The following CFAP47 variants were observed in gnomAD, a reference collection of about 807,000 sequenced individuals.
CFAP47 encodes cilia and flagella associated protein 47.
In CFAP47, 29 loss-of-function variants were observed where a neutral mutation model predicts 148.1. The observed-to-expected ratio is 0.20, with a 90% confidence interval of 0.15 to 0.27. The LOEUF (loss-of-function observed/expected upper bound fraction) is 0.27, where lower values mean the gene tolerates loss of function less well. Among genes scored for constraint, CFAP47 ranks in the 10% least tolerant of loss-of-function variants. The probability of loss-of-function intolerance (pLI) is 1.00; values close to 1 mark genes in which losing one functional copy is unlikely to be tolerated. For missense variants in CFAP47, 1,872 were observed against 1,697.5 expected (o/e 1.10, Z -1.81); for synonymous variants, 664 against 577.3 (o/e 1.15, Z -2.15).
intron 37 of CFAP47, among the ~76,000 whole-genome samples, chrX:36,151,374 A>G (rs147971933): frequency 0.016 from 1,779 of 111,838 alleles, 32 homozygotes; most frequent in African/African-American, 0.055. Flanking sequence ...TACAGGCATT[A>G]TATGTAAATA....
At chrX:35,948,635 A>G (rs914629139) in intron 4 of CFAP47, among the ~76,000 whole-genome samples, 183 bp downstream of exon 4, 3 of 112,117 alleles carry the variant, frequency 2.7e-5, no homozygotes, top group Admixed American at 9.5e-5. Context: ...AGAGGATAGC[A>G]TATGGGTACA....
chrX:36,070,594 C>T (rs1937730912), intron 27 of CFAP47, among the ~76,000 whole-genome samples: 3 of 107,468 alleles, frequency 2.8e-5, no homozygotes, highest in Admixed American at 1.0e-4. Context: ...TGGGTTCAAG[C>T]GATTCTCATG....
intron 27 of CFAP47, among the ~76,000 whole-genome samples, chrX:36,067,218 T>C (rs1302735263): frequency 9.0e-6 from 1 of 111,680 alleles, no homozygotes; most frequent in Non-Finnish European, 1.9e-5. Context: ...CCATGGGCTA[T>C]ACCTCTAGCC....
At chrX:36,013,276 CA>C (rs1937060467) in intron 21 of CFAP47, among the ~76,000 whole-genome samples, 1 of 111,644 alleles carries the variant, frequency 9.0e-6, no homozygotes, top group Non-Finnish European at 1.9e-5. Flanking sequence ...TATATAATTG[CA>C]AATATATTTT....
chrX:36,024,876 C>T (rs1937198507), intron 22 of CFAP47, among the ~76,000 whole-genome samples: 1 of 111,543 alleles, frequency 9.0e-6, no homozygotes, highest in Non-Finnish European at 1.9e-5. Flanking sequence ...TATGAAGTTG[C>T]TTTTTTTGTG....
chrX:35,951,217 G>C lies in CFAP47; in HGVS notation c.743G>C (p.Ser248Thr). 8.3e-7 allele frequency: 1 copy of C among 1,209,908 alleles called. No homozygotes were observed. ...EQIIELLSMS[S>T]DRRLECIHFG... is the part of the protein sequence containing the mutation. Reference sequence around the variant, plus strand: ...ATTATTGAATTATTAAGCATGAGTAGTGACAGAAGGCTGGAATGCATACAC... The same window carrying C: ...ATTATTGAATTATTAAGCATGAGTACTGACAGAAGGCTGGAATGCATACAC... The change falls in exon 5 of 64, where the codon AGT becomes ACT. Residue 248 changes from serine (S) to threonine (T), a missense_variant. Physicochemically the swap from Ser to Thr is moderately conservative, Grantham distance 58. Coordinates refer to ENST00000378653, the MANE Select transcript of CFAP47 (RefSeq NM_001304548.2).
intron 33 of CFAP47, among the ~76,000 whole-genome samples, chrX:36,125,005 C>A (rs1938811190): frequency 9.0e-6 from 1 of 111,094 alleles, no homozygotes; most frequent in Admixed American, 9.7e-5. Flanking sequence ...TTACTTCAGT[C>A]AGTAAATAGA....
At chrX:36,018,507 G>A (rs1295990400) in intron 22 of CFAP47, among the ~76,000 whole-genome samples, 1 of 111,742 alleles carries the variant, frequency 8.9e-6, no homozygotes, top group Non-Finnish European at 1.9e-5. Flanking sequence ...TTACGTTGAG[G>A]AATTGTCCTT....
At chrX:36,261,296 C>A (rs188085738) in intron 49 of CFAP47, among the ~76,000 whole-genome samples, 102 of 100,320 alleles carry the variant, frequency 1.0e-3, no homozygotes, top group Non-Finnish European at 1.4e-3. Flanking sequence ...ACCCTTAAGG[C>A]CACCCTATCA....
At position 36,035,971 on chromosome X, in the gene CFAP47, A is replaced by G. The variant is rs186596431; in HGVS notation, c.3811+117A>G. The G allele has an allele frequency of 5.1e-3, 1,287 of 254,007 alleles. 6 individuals carry two copies. Among genetic ancestry groups the G allele is most frequent in the Non-Finnish European group, 4.0e-3 (575 of 144,390 alleles). The allele number at this position is 254,007 out of a possible 1,213,427, so 20.9% of individuals were successfully genotyped here. A position where few individuals can be genotyped will look rare whatever the true frequency, so the allele number is the denominator to read the frequency against. Reference sequence around the variant, plus strand: ...TTTGTTATTTCTTTTAATTTGAATAATTATAAATAATACAATTTTATTAAT... The same window carrying G: ...TTTGTTATTTCTTTTAATTTGAATAGTTATAAATAATACAATTTTATTAAT... On this transcript the variant is annotated intron_variant, in intron 24 of 63. Transcript: ENST00000378653.
chrX:36,341,083 T>G (rs1323390040), intron 57 of CFAP47, among the ~76,000 whole-genome samples: 2 of 105,202 alleles, frequency 1.9e-5, no homozygotes, highest in Non-Finnish European at 3.9e-5. Flanking sequence ...GTCACCAGGC[T>G]GGAGTGCAGT....
intron 45 of CFAP47, among the ~76,000 whole-genome samples, chrX:36,218,356 C>T (rs1395303209): frequency 8.9e-6 from 1 of 111,751 alleles, no homozygotes; most frequent in Admixed American, 9.5e-5. Flanking sequence ...CAAGCTAGAA[C>T]TCCTTGAAAG....
chrX:35,991,760 A>T (rs2146684527), intron 16 of CFAP47, 61 bp from the exon 17 acceptor site: 1 of 288,002 alleles, frequency 3.5e-6, no homozygotes, highest in African/African-American at 2.8e-5. Flanking sequence ...AAACAATTAA[A>T]CAAAGTATTT....
At chrX:36,298,955 C>G (rs1295462538) in intron 51 of CFAP47, 22 bp from the exon 52 acceptor site, 3 of 1,058,275 alleles carry the variant, frequency 2.8e-6, no homozygotes, top group Non-Finnish European at 3.8e-6. Context: ...AAGTTGATTA[C>G]ATATTTGTTG....
chrX:35,928,401 G>T (rs1468753939), intron 2 of CFAP47, among the ~76,000 whole-genome samples: 2 of 111,437 alleles, frequency 1.8e-5, no homozygotes, highest in East Asian at 5.6e-4. Context: ...TTTCCCCAAT[G>T]AATAATGATG....
chrX:35,936,893 G>A (rs1175216065), intron 2 of CFAP47, among the ~76,000 whole-genome samples: 1 of 108,460 alleles, frequency 9.2e-6, no homozygotes, highest in Non-Finnish European at 1.9e-5. Context: ...TGGTGAGAAC[G>A]CTATACAAGT....
At chrX:36,253,710 A>C (rs111725277) in intron 49 of CFAP47, among the ~76,000 whole-genome samples, 1,468 of 112,227 alleles carry the variant, frequency 0.013, 28 homozygotes, top group African/African-American at 0.044. Flanking sequence ...CAAAGCTGAC[A>C]TTCAACTAAT....
At chrX:36,056,261 TA>T (rs895146399) in intron 26 of CFAP47, among the ~76,000 whole-genome samples, 1 of 111,724 alleles carries the variant, frequency 9.0e-6, no homozygotes. Context: ...ACAATATGTA[TA>T]AAAAAAGAGT....
chrX:36,079,783 A>T (rs1287497432), intron 29 of CFAP47, among the ~76,000 whole-genome samples: 1 of 111,742 alleles, frequency 8.9e-6, no homozygotes, highest in Non-Finnish European at 1.9e-5. Flanking sequence ...TTAATTCAAG[A>T]TAGATTAAAG....
Sources: gnomAD v4.1 joint callset for allele counts (sites outside exome capture counted in the v4.1 genomes callset) on GRCh38, gnomAD v4.1.1 for gene constraint, MANE v1.5 for transcripts, NCBI Gene and HGNC (gene_info 2026-07-23, HGNC 2026-07-21) for gene names.